The following ERI3 variants were observed in gnomAD, a reference collection of about 807,000 sequenced individuals.
The protein encoded by ERI3 is ERI1 exoribonuclease family member 3, also known as ERI1 exoribonuclease 3.
In ERI3, 18 loss-of-function variants were observed where a neutral mutation model predicts 44.4. The ratio of observed to expected loss-of-function variants is 0.41; its 90% CI spans 0.28 to 0.60. The LOEUF is 0.60. ERI3 is among the 20% of genes least tolerant of loss of function. The pLI, the probability that ERI3 is intolerant of heterozygous loss-of-function variation, is 0.36. For missense variants in ERI3, 294 were observed against 435.5 expected, an observed-to-expected ratio of 0.68 and a Z score of 2.89; for synonymous variants, 183 against 164.8, an observed-to-expected ratio of 1.11 and a Z score of -0.84.
chr1:44,256,584 G>A (rs765033452), intron 7 of ERI3, among the ~76,000 whole-genome samples: 2 of 152,158 alleles, frequency 1.3e-5, no homozygotes, highest in Non-Finnish European at 2.9e-5. Flanking sequence ...GAACCTGAGT[G>A]GGATAATTAT....
Position 44,319,623 on chromosome 1 carries a change from C to T in ERI3, c.606+5G>A. 2 of 1,608,548 alleles carry T rather than the reference C, an allele frequency of 1.2e-6. No individual in the cohort carries two copies. The highest frequency in any genetic ancestry group is 1.7e-6 in the Non-Finnish European group (2 of 1,175,214). On this transcript the variant is annotated splice_donor_5th_base_variant and intron_variant, in intron 4 of 8. Coordinates refer to ENST00000372257, the MANE Select transcript of ERI3 (RefSeq NM_024066.3). Reference sequence around the variant, plus strand: ...GCCCCTGCTGCCCACTTCCAGGGCCCTTACCTCTGTACAGAATGGGGTAAG... The same window carrying T: ...GCCCCTGCTGCCCACTTCCAGGGCCTTTACCTCTGTACAGAATGGGGTAAG...
intron 3 of ERI3, among the ~76,000 whole-genome samples, chr1:44,324,367 C>A (rs1646263612): frequency 6.6e-6 from 1 of 152,004 alleles, no homozygotes; most frequent in Non-Finnish European, 1.5e-5. Flanking sequence ...CTACTCTCAT[C>A]TCTGAGTGGT....
intron 4 of ERI3, among the ~76,000 whole-genome samples, chr1:44,317,492 T>A (rs1466717098): frequency 6.7e-6 from 1 of 150,122 alleles, no homozygotes; most frequent in Non-Finnish European, 1.5e-5. Context: ...CAGTTGTTTT[T>A]GGGAGAGACA....
intron 3 of ERI3, among the ~76,000 whole-genome samples, chr1:44,337,223 G>GT (rs1411247384): frequency 6.6e-6 from 1 of 152,188 alleles, no homozygotes; most frequent in African/African-American, 2.4e-5. Context: ...CCAGAAAGCA[G>GT]TAAATGCCAT....
At chr1:44,346,220 A>C (rs1646780383) in intron 2 of ERI3, among the ~76,000 whole-genome samples, 1 of 152,182 alleles carries the variant, frequency 6.6e-6, no homozygotes, top group Non-Finnish European at 1.5e-5. Flanking sequence ...AGCTCCCCCA[A>C]CTCAGAAGCA....
intron 7 of ERI3, among the ~76,000 whole-genome samples, chr1:44,274,651 T>G (rs1256762821): frequency 6.6e-6 from 1 of 152,202 alleles, no homozygotes; most frequent in Non-Finnish European, 1.5e-5. Context: ...CAACAGCAGA[T>G]GTTGCAGAGA....
intron 5 of ERI3, among the ~76,000 whole-genome samples, chr1:44,311,177 T>A (rs1472956747): frequency 6.6e-6 from 1 of 152,020 alleles, no homozygotes; most frequent in Non-Finnish European, 1.5e-5. Flanking sequence ...CCCCAACTCC[T>A]GCACAGTGAA....
rs1645883186 is a variant in ERI3 at position 44,308,327 on chromosome 1, G to A, written c.741C>T (p.Asp247=). Reference sequence around the variant, plus strand: ...ATACTCACATGACTTTTAAGTCCCAGTCTCCACAGGTGACAAAAATTGACT... The same window carrying A: ...ATACTCACATGACTTTTAAGTCCCAATCTCCACAGGTGACAAAAATTGACT... ...NVKSIFVTCG[D]WDLKVMLPGQ... Residue 247 remains aspartate, a synonymous_variant, in exon 6 of 9, where the codon GAC becomes GAT. Transcript: ENST00000372257. 6.2e-7 allele frequency: 1 copy of A among 1,613,696 alleles called. No individual in the cohort carries two copies.
intron 7 of ERI3, among the ~76,000 whole-genome samples, chr1:44,277,795 C>A (rs529012777): frequency 1.1e-4 from 16 of 152,300 alleles, no homozygotes; most frequent in African/African-American, 3.6e-4. Flanking sequence ...TACTGTGAAA[C>A]CATTGAGCAA....
chr1:44,253,088 T>C (rs1296525240), intron 7 of ERI3, among the ~76,000 whole-genome samples: 1 of 152,190 alleles, frequency 6.6e-6, no homozygotes, highest in Admixed American at 6.5e-5. Flanking sequence ...CTCCAGAGGA[T>C]AGGGAAGAGA....
At chr1:44,318,180 C>A (rs1318046962) in intron 4 of ERI3, among the ~76,000 whole-genome samples, 3 of 152,206 alleles carry the variant, frequency 2.0e-5, no homozygotes, top group Non-Finnish European at 4.4e-5. Context: ...TCTCAAGCAT[C>A]CACTCCTGCC....
At chr1:44,246,760 G>A (rs1355897048) in intron 8 of ERI3, among the ~76,000 whole-genome samples, 1 of 152,240 alleles carries the variant, frequency 6.6e-6, no homozygotes, top group Non-Finnish European at 1.5e-5. Context: ...CAGGATGTGA[G>A]CTCACTGAGA....
At chr1:44,310,882 T>TA (rs1346651781) in intron 5 of ERI3, among the ~76,000 whole-genome samples, 3 of 151,554 alleles carry the variant, frequency 2.0e-5, no homozygotes, top group Non-Finnish European at 4.4e-5. Context: ...TCCCAAAAGA[T>TA]AAATTCTGGA....
At position 44,336,451 on chromosome 1, in the gene ERI3, T is replaced by C. The variant is rs1646537033; in HGVS notation, c.489+2594A>G. On this transcript the variant is annotated intron_variant, in intron 3 of 8. Coordinates refer to ENST00000372257, the MANE Select transcript of ERI3 (RefSeq NM_024066.3). ...CTGGCCCCAAACTCACCTTCCCAAC[T>C]GTTGATCACAGCATTGTAGAGGTTT... 7.2e-5 allele frequency among the ~76,000 whole-genome samples: 11 copies of C among 152,364 alleles called. 1 individual carries two copies. In the South Asian group the frequency reaches 2.3e-3, roughly 32 times the overall value.
chr1:44,234,583 C>A (rs1202262575), intron 8 of ERI3, among the ~76,000 whole-genome samples: 1 of 151,864 alleles, frequency 6.6e-6, no homozygotes, highest in Non-Finnish European at 1.5e-5. Flanking sequence ...CACTTGAAAA[C>A]AGGAGGCGGA....
At chr1:44,248,115 C>A (rs989479610) in intron 7 of ERI3, 77 bp from the exon 8 acceptor site, 12 of 909,204 alleles carry the variant, frequency 1.3e-5, no homozygotes, top group Non-Finnish European at 1.7e-5. Context: ...CTTCCCCCCA[C>A]CCCCCAAATC....
At chr1:44,261,110 G>A (rs1644884448) in intron 7 of ERI3, among the ~76,000 whole-genome samples, 1 of 152,220 alleles carries the variant, frequency 6.6e-6, no homozygotes, top group Non-Finnish European at 1.5e-5. Flanking sequence ...ACAGTCCTTT[G>A]AGAACTCGAC....
intron 7 of ERI3, among the ~76,000 whole-genome samples, chr1:44,254,906 T>G (rs756075285): frequency 2.8e-4 from 42 of 151,534 alleles, no homozygotes; most frequent in Non-Finnish European, 5.4e-4. Flanking sequence ...GTATTTCTTG[T>G]CTTTCTAAAT....
intron 6 of ERI3, among the ~76,000 whole-genome samples, chr1:44,304,646 C>T (rs1006177898): frequency 6.6e-6 from 1 of 152,170 alleles, no homozygotes. Flanking sequence ...GCACCTTTCA[C>T]TCCAGGTAGC....
Sources: allele counts gnomAD v4.1 joint callset (sites outside exome capture counted in the v4.1 genomes callset), GRCh38; gene constraint gnomAD v4.1.1; transcripts MANE v1.5; gene names NCBI Gene and HGNC (gene_info 2026-07-23, HGNC 2026-07-21).